FAM110B: variants seen among roughly 807,000 people sequenced by gnomAD.
FAM110B encodes the protein family with sequence similarity 110 member B, also known as protein FAM110B.
A neutral mutation model predicts 20.4 loss-of-function variants in FAM110B; 6 were observed. The ratio of observed to expected loss-of-function variants is 0.29; its 90% CI spans 0.16 to 0.58. The LOEUF is 0.58. FAM110B is among the 20% of genes least tolerant of loss of function. The pLI is 0.90. For synonymous variants in FAM110B, 226 were observed against 214.1 expected, an observed-to-expected ratio of 1.06 and a Z score of -0.49; for missense variants, 434 against 498.2, an observed-to-expected ratio of 0.87 and a Z score of 1.23.
chr8:58,087,583 C>G (rs574679057), intron 3 of FAM110B, among the ~76,000 whole-genome samples: 1 of 152,202 alleles, frequency 6.6e-6, no homozygotes, highest in Non-Finnish European at 1.5e-5. Flanking sequence ...CAAAACTTGA[C>G]CTCTCTCTCT....
Position 58,119,742 on chromosome 8 carries a change from C to A in FAM110B, c.-324-26165C>A, listed in dbSNP as rs184712062. On this transcript the variant is annotated intron_variant, in intron 3 of 3. Transcript: ENST00000519262. ...GATTCTTCAGGGTTGTACTGCTTCC[C>A]AGGCTGGCCTGTGGAAAGAGAGTAT... Among the ~76,000 whole-genome samples, 1,158 of 152,296 alleles carry A rather than the reference C, an allele frequency of 7.6e-3. 4 individuals carry two copies. The highest frequency in any genetic ancestry group is 0.012 in the Non-Finnish European group (828 of 68,018).
At chr8:58,119,669 C>G (rs1056576101) in intron 3 of FAM110B, among the ~76,000 whole-genome samples, 2 of 152,240 alleles carry the variant, frequency 1.3e-5, no homozygotes, top group Admixed American at 1.3e-4. Flanking sequence ...TAGGATATAT[C>G]CAGACCCCTC....
chr8:58,055,323 G>C (rs75706657), intron 2 of FAM110B, among the ~76,000 whole-genome samples: 1,963 of 152,302 alleles, frequency 0.013, 45 homozygotes, highest in African/African-American at 0.044. Context: ...GTGCAGTGCT[G>C]AGGATCTGGT....
chr8:58,039,235 T>C (rs1805152130), intron 2 of FAM110B, among the ~76,000 whole-genome samples: 1 of 152,164 alleles, frequency 6.6e-6, no homozygotes, highest in Non-Finnish European at 1.5e-5. Flanking sequence ...CTCCTATGTT[T>C]GGGTTATGCT....
At chr8:58,040,935 CTT>C (rs60228265) in intron 2 of FAM110B, among the ~76,000 whole-genome samples, 6,649 of 97,088 alleles carry the variant, frequency 0.068, 115 homozygotes, top group African/African-American at 0.1. Context: ...ATGGGAAAAT[CTT>C]TTTTTTTTTT....
chr8:58,033,549 C>T (rs1178346749), intron 2 of FAM110B, among the ~76,000 whole-genome samples: 1 of 152,020 alleles, frequency 6.6e-6, no homozygotes, highest in African/African-American at 2.4e-5. Flanking sequence ...GTGGAAGGAG[C>T]ATAAATGATT....
At chr8:58,013,170 T>A (rs1240498696) in intron 1 of FAM110B, among the ~76,000 whole-genome samples, 1 of 152,242 alleles carries the variant, frequency 6.6e-6, no homozygotes, top group African/African-American at 2.4e-5. Context: ...GCTTTGCTTA[T>A]CAACAAAGAT....
chr8:58,104,498 T>C (rs1806862142), intron 3 of FAM110B, among the ~76,000 whole-genome samples: 1 of 152,090 alleles, frequency 6.6e-6, no homozygotes, highest in African/African-American at 2.4e-5. Flanking sequence ...TTGTAGATTT[T>C]TATGACATAT....
chr8:58,139,867 T>G (rs1803701369), intron 3 of FAM110B, among the ~76,000 whole-genome samples: 1 of 151,982 alleles, frequency 6.6e-6, no homozygotes, highest in Admixed American at 6.5e-5. Context: ...GAGGCGGAGC[T>G]TGCAATGAAC....
intron 3 of FAM110B, among the ~76,000 whole-genome samples, chr8:58,105,764 G>T (rs1303676645): frequency 6.6e-6 from 1 of 151,424 alleles, no homozygotes; most frequent in Non-Finnish European, 1.5e-5. Context: ...TAGAGACAGG[G>T]TTTCACCATA....
rs1554568496 is a variant in FAM110B at position 58,006,923 on chromosome 8, A to ATTTTT, written c.-512+12118_-512+12122dup. On this transcript the variant is annotated intron_variant, in intron 1 of 3. Transcript: ENST00000519262. ...TTGGTATATATATATATATATATAT[A>ATTTTT]TTTTTCCAAAACCAGAGTTTGCATT... 3.0e-4 allele frequency among the ~76,000 whole-genome samples: 38 copies of ATTTTT among 126,536 alleles called. 1 individual carries two copies. Among genetic ancestry groups the ATTTTT allele is most frequent in the Admixed American group, 7.8e-4 (10 of 12,770 alleles). 83.0% of individuals were successfully genotyped at this position (126,536 alleles called of 152,430 possible).
At chr8:58,079,024 A>C (rs1194576743) in intron 3 of FAM110B, among the ~76,000 whole-genome samples, 1 of 150,834 alleles carries the variant, frequency 6.6e-6, no homozygotes, top group African/African-American at 2.5e-5. Flanking sequence ...GGTCCTCCAG[A>C]ATGAGAGGTT....
At chr8:58,018,445 A>G (rs555435759) in intron 1 of FAM110B, among the ~76,000 whole-genome samples, 13 of 152,126 alleles carry the variant, frequency 8.5e-5, no homozygotes, top group Non-Finnish European at 1.6e-4. Context: ...TTTGCATGGT[A>G]TATATATGTA....
chr8:58,056,141 G>C (rs1159212323), intron 2 of FAM110B, among the ~76,000 whole-genome samples: 6 of 152,222 alleles, frequency 3.9e-5, no homozygotes, highest in Non-Finnish European at 8.8e-5. Flanking sequence ...GTGGAGTTGA[G>C]AGGTCATAAG....
In FAM110B at chr8:58,103,218, G is replaced by A. The variant is rs563401569; in HGVS notation, c.-325+27595G>A. ...TTAAGTTTTAGGGTACATGTGCACA[G>A]TGTGCAGGTTAGTTACATATGTATA... On this transcript the variant is annotated intron_variant, in intron 3 of 3. Coordinates refer to ENST00000519262, the MANE Select transcript of FAM110B (RefSeq NM_001377989.1). Among the ~76,000 whole-genome samples the A allele has an allele frequency of 1.5e-4, 23 of 151,864 alleles. 1 individual carries two copies. The East Asian group carries it at 4.1e-3, about 27-fold the overall frequency.
chr8:58,024,974 T>C (rs1030749934), intron 1 of FAM110B, among the ~76,000 whole-genome samples: 5 of 152,340 alleles, frequency 3.3e-5, no homozygotes, highest in Admixed American at 6.5e-5. Context: ...TTGCCTGGGC[T>C]TACACTATAT....
intron 3 of FAM110B, among the ~76,000 whole-genome samples, chr8:58,123,213 G>A (rs561543302): frequency 6.6e-6 from 1 of 152,236 alleles, no homozygotes; most frequent in Non-Finnish European, 1.5e-5. Context: ...CCATATTAGG[G>A]TGGGGTTTCA....
At chr8:58,018,163 G>A (rs1340964226) in intron 1 of FAM110B, among the ~76,000 whole-genome samples, 1 of 152,062 alleles carries the variant, frequency 6.6e-6, no homozygotes, top group Non-Finnish European at 1.5e-5. Flanking sequence ...TTTTCTGCCT[G>A]TTCTATCAAT....
intron 3 of FAM110B, among the ~76,000 whole-genome samples, chr8:58,131,522 A>G (rs1311660524): frequency 6.6e-6 from 1 of 152,104 alleles, no homozygotes; most frequent in African/African-American, 2.4e-5. Flanking sequence ...GAAACAAGCC[A>G]CCTATATCAC....
Sources: gnomAD v4.1 joint callset for allele counts (sites outside exome capture counted in the v4.1 genomes callset) on GRCh38, gnomAD v4.1.1 for gene constraint, MANE v1.5 for transcripts, NCBI Gene and HGNC (gene_info 2026-07-23, HGNC 2026-07-21) for gene names.